SCD5: variants seen among roughly 807,000 people sequenced by gnomAD.
SCD5 encodes the protein acyl-CoA-desaturase 4.
In SCD5, 20 loss-of-function variants were observed where a neutral mutation model predicts 30.4. The observed-to-expected ratio is 0.66, with a 90% confidence interval of 0.46 to 0.96. The LOEUF (loss-of-function observed/expected upper bound fraction) is 0.96, where lower values mean the gene tolerates loss of function less well. SCD5 is among the 40% of genes least tolerant of loss of function. SCD5 has a pLI of 0.00. For missense variants in SCD5, 381 were observed against 443.3 expected (o/e 0.86, Z 1.26); for synonymous variants, 173 against 176.4 (o/e 0.98, Z 0.16).
chr4:82,795,840 C>T (rs1266967804), intron 1 of SCD5, among the ~76,000 whole-genome samples: 1 of 134,838 alleles, frequency 7.4e-6, no homozygotes, highest in East Asian at 2.1e-4. Context: ...AAAAAAGCAG[C>T]AGAGGCAGTA....
At chr4:82,701,678 T>C (rs912665866) in intron 2 of SCD5, among the ~76,000 whole-genome samples, 2 of 152,190 alleles carry the variant, frequency 1.3e-5, no homozygotes, top group African/African-American at 2.4e-5. Flanking sequence ...TACTCCTCTG[T>C]AGAATATGAG....
rs1425674556 is a variant in SCD5 at position 82,780,201 on chromosome 4, T to C, written c.232+18105A>G. 4.6e-5 allele frequency among the ~76,000 whole-genome samples: 7 copies of C among 152,212 alleles called. No homozygotes were observed. In the East Asian group the frequency reaches 1.3e-3, roughly 29 times the overall value. On this transcript the variant is annotated intron_variant, in intron 1 of 4. Transcript: ENST00000319540. ...TGTTACAGCTGTTGGGAATGCATTT[T>C]CCCTGGTGTTTCTGCCTGGAGAACT... is the stretch of plus-strand genomic sequence containing the variant.
intron 2 of SCD5, among the ~76,000 whole-genome samples, chr4:82,687,216 AAAG>A: frequency 6.7e-6 from 1 of 150,306 alleles, no homozygotes; most frequent in Admixed American, 6.7e-5. Context: ...AGAAAGAAAG[AAAG>A]AAGAAAAGTA....
At chr4:82,693,046 C>A (rs957922347) in intron 2 of SCD5, among the ~76,000 whole-genome samples, 1 of 152,192 alleles carries the variant, frequency 6.6e-6, no homozygotes, top group Non-Finnish European at 1.5e-5. Context: ...CAGTGTGACC[C>A]TGATCAGACA....
At chr4:82,675,547 A>T (rs1440815364) in intron 3 of SCD5, among the ~76,000 whole-genome samples, 1 of 152,144 alleles carries the variant, frequency 6.6e-6, no homozygotes, top group Non-Finnish European at 1.5e-5. Context: ...ATTTTCTTTC[A>T]GTTTATCTCA....
chr4:82,639,195 G>A (rs1292547862), intron 3 of SCD5, among the ~76,000 whole-genome samples: 1 of 152,194 alleles, frequency 6.6e-6, no homozygotes, highest in Non-Finnish European at 1.5e-5. Flanking sequence ...GATACAGGAT[G>A]GCTGCATTTT....
At chr4:82,750,932 A>G (rs893605678) in intron 1 of SCD5, among the ~76,000 whole-genome samples, 3 of 152,170 alleles carry the variant, frequency 2.0e-5, no homozygotes, top group African/African-American at 7.2e-5. Context: ...AGCCCAGGCT[A>G]GGCTGGTTTC....
intron 1 of SCD5, among the ~76,000 whole-genome samples, chr4:82,765,008 T>C (rs956416691): frequency 6.6e-6 from 1 of 152,244 alleles, no homozygotes. Flanking sequence ...AATACAGTCA[T>C]GAGCCACCAT....
At chr4:82,730,087 T>C (rs1038397085) in intron 1 of SCD5, among the ~76,000 whole-genome samples, 2 of 152,022 alleles carry the variant, frequency 1.3e-5, no homozygotes, top group Admixed American at 6.6e-5. Flanking sequence ...GTGATGTGCA[T>C]GTTAATAAAC....
At chr4:82,687,173 G>GAAAAAAAAAAAA (rs58937590) in intron 2 of SCD5, among the ~76,000 whole-genome samples, 1 of 108,636 alleles carries the variant, frequency 9.2e-6, no homozygotes, top group Non-Finnish European at 1.9e-5. Context: ...CTTGTTACAA[G>GAAAAAAAAAAAA]AAAAAAAAAA....
At chr4:82,671,713 A>G (rs111937433) in intron 3 of SCD5, among the ~76,000 whole-genome samples, 3,666 of 152,264 alleles carry the variant, frequency 0.024, 71 homozygotes, top group South Asian at 0.099. Context: ...CCCTGTCTCT[A>G]CTAAAAACAC....
chr4:82,660,589 A>G, intron 3 of SCD5: 1 of 1,253,876 alleles, frequency 8.0e-7, no homozygotes, highest in Non-Finnish European at 1.0e-6. Flanking sequence ...TATTCTCCCA[A>G]TAATTTTGTA....
intron 3 of SCD5, among the ~76,000 whole-genome samples, chr4:82,643,214 A>G (rs1173658045): frequency 6.6e-6 from 1 of 151,684 alleles, no homozygotes; most frequent in Non-Finnish European, 1.5e-5. Flanking sequence ...GGTTTCTCCA[A>G]AGGTTAAATA....
chr4:82,740,813 T>A (rs1208203933), intron 1 of SCD5, among the ~76,000 whole-genome samples: 1 of 152,170 alleles, frequency 6.6e-6, no homozygotes, highest in Non-Finnish European at 1.5e-5. Context: ...CCCCTAATCC[T>A]TTACCCCAAA....
chr4:82,646,804 G>A (rs149225383), intron 3 of SCD5, among the ~76,000 whole-genome samples: 129 of 152,312 alleles, frequency 8.5e-4, no homozygotes, highest in Middle Eastern at 6.8e-3. Flanking sequence ...GCAGAGAAAA[G>A]ATATTTTTCT....
intron 4 of SCD5, among the ~76,000 whole-genome samples, chr4:82,634,292 T>G (rs114766145): frequency 6.5e-4 from 99 of 152,298 alleles, no homozygotes; most frequent in African/African-American, 2.2e-3. Flanking sequence ...CTGGATCACA[T>G]AGTAACTATT....
chr4:82,725,478 T>C (rs973625534), intron 1 of SCD5, among the ~76,000 whole-genome samples: 1 of 152,206 alleles, frequency 6.6e-6, no homozygotes, highest in Non-Finnish European at 1.5e-5. Flanking sequence ...ATGACAGCTA[T>C]GGGTAGCATG....
intron 1 of SCD5, among the ~76,000 whole-genome samples, chr4:82,714,134 G>T (rs1056052468): frequency 6.6e-6 from 1 of 152,094 alleles, no homozygotes; most frequent in African/African-American, 2.4e-5. Context: ...TATTCCCACA[G>T]CCTACAGCCA....
At chr4:82,735,666 T>C (rs1337970870) in intron 1 of SCD5, among the ~76,000 whole-genome samples, 1 of 152,242 alleles carries the variant, frequency 6.6e-6, no homozygotes, top group Non-Finnish European at 1.5e-5. Context: ...ACCACATGAC[T>C]GCTGTCACTC....
Sources: allele counts gnomAD v4.1 joint callset (sites outside exome capture counted in the v4.1 genomes callset), GRCh38; gene constraint gnomAD v4.1.1; transcripts MANE v1.5; gene names NCBI Gene and HGNC (gene_info 2026-07-23, HGNC 2026-07-21).